The following AFG2A variants were observed in gnomAD, a reference collection of about 807,000 sequenced individuals.
AFG2A encodes the protein ATPase family gene 2 protein homolog A.
At chr4:122,926,316 C>T in the AFG2A span, among the ~76,000 whole-genome samples, 1 of 152,196 alleles carries the variant, frequency 6.6e-6, no homozygotes, top group Non-Finnish European at 1.5e-5. Context: ...GAGGCAGGAA[C>T]TGAATATTAT....
chr4:123,239,424 G>A, the AFG2A span, among the ~76,000 whole-genome samples: 1 of 152,156 alleles, frequency 6.6e-6, no homozygotes, highest in Non-Finnish European at 1.5e-5. Context: ...GTTAAGGGTA[G>A]CCTGAGAGAA....
At chr4:123,005,245 G>A in the AFG2A span, among the ~76,000 whole-genome samples, 1 of 152,034 alleles carries the variant, frequency 6.6e-6, no homozygotes, top group African/African-American at 2.4e-5. Flanking sequence ...CTGCCTCCTG[G>A]GTTCAAGCCA....
the AFG2A span, among the ~76,000 whole-genome samples, chr4:122,965,968 G>A: frequency 6.6e-6 from 1 of 152,044 alleles, no homozygotes; most frequent in Admixed American, 6.6e-5. Flanking sequence ...GTAACTGATG[G>A]CCAAAAGGGC....
the AFG2A span, among the ~76,000 whole-genome samples, chr4:123,282,876 GC>G: frequency 6.6e-6 from 1 of 151,950 alleles, no homozygotes; most frequent in Non-Finnish European, 1.5e-5. Flanking sequence ...CTTGTATCAA[GC>G]CTATCAAGAC....
At chr4:123,095,042 A>AAT in the AFG2A span, among the ~76,000 whole-genome samples, 88 of 114,094 alleles carry the variant, frequency 7.7e-4, 1 homozygote, top group African/African-American at 1.5e-3. Context: ...AAAAAAAAAA[A>AAT]ATATATATAT....
chr4:123,227,227 C>T, the AFG2A span, among the ~76,000 whole-genome samples: 4 of 152,030 alleles, frequency 2.6e-5, no homozygotes, highest in Non-Finnish European at 4.4e-5. Context: ...CTGCTCTGAT[C>T]TTAGTTATTT....
the AFG2A span, among the ~76,000 whole-genome samples, chr4:123,245,896 A>G: frequency 6.6e-6 from 1 of 152,240 alleles, no homozygotes; most frequent in Admixed American, 6.5e-5. Flanking sequence ...TGCCTGACAC[A>G]TAGTAGATAC....
At chr4:123,050,398 C>T in the AFG2A span, among the ~76,000 whole-genome samples, 11 of 152,106 alleles carry the variant, frequency 7.2e-5, no homozygotes, top group South Asian at 2.1e-4. Flanking sequence ...TGGGGCATTG[C>T]GGTCCCCTGC....
chr4:122,952,180 C>G, the AFG2A span, among the ~76,000 whole-genome samples: 1 of 152,194 alleles, frequency 6.6e-6, no homozygotes, highest in African/African-American at 2.4e-5. Flanking sequence ...CTGTATCTAA[C>G]TGCACCCTTT....
the AFG2A span, among the ~76,000 whole-genome samples, chr4:123,296,409 TCA>T: frequency 6.6e-6 from 1 of 152,216 alleles, no homozygotes; most frequent in Non-Finnish European, 1.5e-5. Context: ...ATGTAATGTG[TCA>T]CACCTATTCT....
the AFG2A span, among the ~76,000 whole-genome samples, chr4:123,056,908 C>T: frequency 2.8e-5 from 4 of 142,462 alleles, no homozygotes; most frequent in East Asian, 7.7e-4. Flanking sequence ...CTGAAAGTCA[C>T]ACAGTTACTA....
chr4:123,007,568 A>G, the AFG2A span, among the ~76,000 whole-genome samples: 24 of 91,764 alleles, frequency 2.6e-4, no homozygotes, highest in Admixed American at 1.2e-3. Context: ...GTGTGTGTAT[A>G]TGTGTGTGTG....
chr4:123,194,008 A>G, the AFG2A span, among the ~76,000 whole-genome samples: 3 of 152,364 alleles, frequency 2.0e-5, no homozygotes, highest in East Asian at 5.8e-4. Flanking sequence ...GGTATTGTGT[A>G]ATAAGGAACA....
the AFG2A span, among the ~76,000 whole-genome samples, chr4:123,219,211 G>T: frequency 6.6e-6 from 1 of 152,216 alleles, no homozygotes; most frequent in African/African-American, 2.4e-5. Context: ...CCAAAGGCTG[G>T]ATAACCTGGA....
chr4:123,123,023 G>A, the AFG2A span, among the ~76,000 whole-genome samples: 3 of 152,040 alleles, frequency 2.0e-5, no homozygotes, highest in Admixed American at 1.3e-4. Context: ...TCAAAAGGCA[G>A]TTGCCTCAAG....
At chr4:123,213,252 A>G in the AFG2A span, among the ~76,000 whole-genome samples, 1 of 152,164 alleles carries the variant, frequency 6.6e-6, no homozygotes, top group African/African-American at 2.4e-5. Context: ...CATGCTAACA[A>G]TATTTAATGG....
the AFG2A span, among the ~76,000 whole-genome samples, chr4:123,112,150 A>G: frequency 1.3e-5 from 2 of 152,284 alleles, no homozygotes; most frequent in South Asian, 2.1e-4. Flanking sequence ...CTGGACTCCA[A>G]AATCTTTTAG....
chr4:123,192,578 G>A, the AFG2A span, among the ~76,000 whole-genome samples: 2 of 152,128 alleles, frequency 1.3e-5, no homozygotes, highest in Admixed American at 6.6e-5. Flanking sequence ...CCATAGCCAC[G>A]GTAGTGAATG....
chr4:123,226,381 G>A, the AFG2A span, among the ~76,000 whole-genome samples: 10 of 152,150 alleles, frequency 6.6e-5, no homozygotes, highest in African/African-American at 2.2e-4. Flanking sequence ...TTTGAGATAC[G>A]TCCCATCAAT....
Sources: allele counts gnomAD v4.1 joint callset (sites outside exome capture counted in the v4.1 genomes callset), GRCh38; gene constraint gnomAD v4.1.1; transcripts MANE v1.5; gene names NCBI Gene and HGNC (gene_info 2026-07-23, HGNC 2026-07-21).